The following FLNB variants were observed in gnomAD, a reference collection of about 807,000 sequenced individuals.
The protein encoded by FLNB is filamin B.
In FLNB, 111 loss-of-function variants were observed where a neutral mutation model predicts 250.6. The ratio of observed to expected loss-of-function variants is 0.44; its 90% confidence interval spans 0.38 to 0.52. The LOEUF (loss-of-function observed/expected upper bound fraction) is 0.52, where lower values mean the gene tolerates loss of function less well. Ranked by LOEUF, FLNB falls within the 20% of genes least tolerant of loss-of-function variation. The pLI, the probability that FLNB is intolerant of heterozygous loss-of-function variation, is 0.00. For synonymous variants in FLNB, 1,302 were observed against 1,372.1 expected, an observed-to-expected ratio of 0.95 and a Z score of 1.13; for missense variants, 2,869 against 3,447.8, an observed-to-expected ratio of 0.83 and a Z score of 4.20.
chr3:58,096,236 G>T lies in FLNB; in HGVS notation c.984+18G>T. On this transcript the variant is annotated intron_variant, in intron 6 of 45. Coordinates refer to ENST00000295956, the MANE Select transcript of FLNB (RefSeq NM_001457.4). The stretch of plus-strand genomic sequence containing the variant: ...TACACAAAGTAAGATGAAGCAGCAT[G>T]GCTGTGGCTTGGGCTGCTCTGGGGC... 6.3e-7 allele frequency: 1 copy of T among 1,594,248 alleles called. No homozygotes were observed. Among genetic ancestry groups the T allele is most frequent in the South Asian group, 1.1e-5 (1 of 90,572 alleles).
At chr3:58,154,096 T>G (rs972092139) in intron 39 of FLNB, among the ~76,000 whole-genome samples, 1 of 152,214 alleles carries the variant, frequency 6.6e-6, no homozygotes, top group African/African-American at 2.4e-5. Context: ...TTTAAATTTT[T>G]TATTTAATAT....
chr3:58,020,614 A>G (rs2097112499), intron 1 of FLNB, among the ~76,000 whole-genome samples: 1 of 151,920 alleles, frequency 6.6e-6, no homozygotes, highest in Non-Finnish European at 1.5e-5. Context: ...CTTTTCTCAT[A>G]GAGATCTGAA....
chr3:58,051,339 G>T (rs1160303908), intron 1 of FLNB, among the ~76,000 whole-genome samples: 1 of 152,224 alleles, frequency 6.6e-6, no homozygotes, highest in African/African-American at 2.4e-5. Context: ...TTCTTTGTTA[G>T]AATGTGGTTT....
chr3:58,051,543 G>T (rs2097162443), intron 1 of FLNB, among the ~76,000 whole-genome samples: 1 of 152,156 alleles, frequency 6.6e-6, no homozygotes, highest in Admixed American at 6.5e-5. Context: ...ATTTTGCTGT[G>T]ATGTGATTCC....
At chr3:58,034,717 A>T (rs768653266) in intron 1 of FLNB, among the ~76,000 whole-genome samples, 1 of 152,176 alleles carries the variant, frequency 6.6e-6, no homozygotes, top group Non-Finnish European at 1.5e-5. Flanking sequence ...CTCGTAACTG[A>T]AAAGTCAAGG....
rs147648427 is a variant in FLNB at position 58,150,175 on chromosome 3, C to T, written c.6315C>T (p.Ala2105=). Residue 2105 remains alanine, a synonymous_variant, in exon 38 of 46, where the codon GCC becomes GCT. Coordinates refer to ENST00000295956, the MANE Select transcript of FLNB (RefSeq NM_001457.4). ...VKESITRTSR[A]PSVATVGSIC... ...AGAGCATCACCCGCACCAGTCGGGC[C>T]CCGTCCGTGGCCACTGTCGGGAGCA... 1,409 of 1,614,218 alleles carry T rather than the reference C, an allele frequency of 8.7e-4. 1 individual carries two copies. The highest frequency in any genetic ancestry group is 2.3e-3 in the Admixed American group (141 of 60,024).
intron 1 of FLNB, among the ~76,000 whole-genome samples, chr3:58,068,714 A>T (rs1425062325): frequency 1.3e-5 from 2 of 152,146 alleles, no homozygotes; most frequent in Non-Finnish European, 2.9e-5. Flanking sequence ...TGGGGTCTGG[A>T]TGCAGGAGAT....
At chr3:58,038,320 T>G (rs562419321) in intron 1 of FLNB, among the ~76,000 whole-genome samples, 28 of 152,266 alleles carry the variant, frequency 1.8e-4, no homozygotes, top group Non-Finnish European at 2.4e-4. Context: ...TGAGCCACCA[T>G]GCTCGGCCTG....
intron 1 of FLNB, among the ~76,000 whole-genome samples, chr3:58,024,721 TTTTTTTTA>T (rs1481602837): frequency 7.4e-4 from 74 of 100,532 alleles, no homozygotes; most frequent in African/African-American, 5.3e-3. Flanking sequence ...TTTTTTTTTT[TTTTTTTTA>T]ACCTTGAGAC....
At position 58,041,918 on chromosome 3, in the gene FLNB, T is replaced by C. The variant is rs568992807; in HGVS notation, c.292+33062T>C. Among the ~76,000 whole-genome samples the C allele has an allele frequency of 3.3e-5, 5 of 152,326 alleles. No individual in the cohort carries two copies. The South Asian group carries it at 1.0e-3, about 32-fold the overall frequency. The stretch of plus-strand genomic sequence containing the variant: ...ACCAGAAGGGTTCCTCATCCAGCTG[T>C]CTTGCCCCAAGTGCCCTCTTTGCTT... On this transcript the variant is annotated intron_variant, in intron 1 of 45. Transcript: ENST00000295956.
intron 10 of FLNB, 105 bp downstream of exon 10, chr3:58,104,190 G>GT: frequency 9.9e-7 from 1 of 1,012,556 alleles, no homozygotes; most frequent in Non-Finnish European, 1.4e-6. Context: ...GATCTGCTTT[G>GT]TTGAAAACTT....
At chr3:58,073,291 G>A (rs907621679) in intron 1 of FLNB, among the ~76,000 whole-genome samples, 4 of 152,080 alleles carry the variant, frequency 2.6e-5, no homozygotes, top group South Asian at 2.1e-4. Context: ...TAGTAACTCC[G>A]TAATCAATAG....
In FLNB at chr3:58,118,976, T is replaced by C. The variant is rs1258786561; in HGVS notation, c.2850T>C (p.Asn950=). ...TGGATCTGAGCAAGATAAAACTCAATGGGCTGGAAAACAGTAAGTGCCTGA... is the reference window on the plus strand; with the variant it reads ...TGGATCTGAGCAAGATAAAACTCAACGGGCTGGAAAACAGTAAGTGCCTGA... The part of the protein sequence containing the change: ...APLDLSKIKL[N]GLENRVEVGK... Residue 950 remains asparagine (N), a synonymous_variant, in exon 19 of 46, where the codon AAT becomes AAC. Coordinates refer to ENST00000295956, the MANE Select transcript of FLNB (RefSeq NM_001457.4). 6.2e-7 allele frequency: 1 copy of C among 1,613,224 alleles called. No homozygotes were observed. Among genetic ancestry groups the C allele is most frequent in the Non-Finnish European group, 8.5e-7 (1 of 1,179,152 alleles).
intron 1 of FLNB, among the ~76,000 whole-genome samples, chr3:58,033,592 A>G (rs1487207193): frequency 6.6e-6 from 1 of 152,070 alleles, no homozygotes; most frequent in Non-Finnish European, 1.5e-5. Flanking sequence ...GGGATTCACC[A>G]TGTTGGCCAG....
chr3:58,053,651 A>G (rs555246818), intron 1 of FLNB, among the ~76,000 whole-genome samples: 16 of 151,860 alleles, frequency 1.1e-4, no homozygotes, highest in Admixed American at 1.3e-4. Flanking sequence ...TTTAGTAGAG[A>G]CAGGGTTTCA....
chr3:58,112,889 C>G (rs1188021534), intron 18 of FLNB, among the ~76,000 whole-genome samples: 1 of 152,152 alleles, frequency 6.6e-6, no homozygotes, highest in East Asian at 1.9e-4. Flanking sequence ...AAATTATTCC[C>G]CTTTACAAAA....
intron 1 of FLNB, among the ~76,000 whole-genome samples, chr3:58,020,053 GT>G (rs1300298424): frequency 1.6e-5 from 1 of 62,988 alleles, no homozygotes; most frequent in African/African-American, 6.7e-5. Context: ...ACAGGGGTGT[GT>G]GTGTGTGTGT....
chr3:58,082,414 C>G (rs2097210478), intron 4 of FLNB, among the ~76,000 whole-genome samples: 1 of 152,062 alleles, frequency 6.6e-6, no homozygotes, highest in African/African-American at 2.4e-5. Flanking sequence ...TGGCCAGATA[C>G]AACTTAATGC....
chr3:58,081,043 T>G (rs1348563736), intron 3 of FLNB, among the ~76,000 whole-genome samples: 1 of 152,130 alleles, frequency 6.6e-6, no homozygotes, highest in African/African-American at 2.4e-5. Flanking sequence ...ATTTCTCTTG[T>G]CTTGGCCTCC....
Sources: allele counts gnomAD v4.1 joint callset (sites outside exome capture counted in the v4.1 genomes callset), GRCh38; gene constraint gnomAD v4.1.1; transcripts MANE v1.5; gene names NCBI Gene and HGNC (gene_info 2026-07-23, HGNC 2026-07-21).